WDR64: variants seen among roughly 807,000 people sequenced by gnomAD.
The protein encoded by WDR64 is WD repeat-containing protein 64.
WDR64 carries 112 observed loss-of-function variants against 139.3 expected under a neutral mutation model. The ratio of observed to expected loss-of-function variants is 0.80; its 90% CI spans 0.69 to 0.94. The LOEUF (loss-of-function observed/expected upper bound fraction) is 0.94, where lower values mean the gene tolerates loss of function less well. Ranked by LOEUF, WDR64 falls within the 40% of genes least tolerant of loss-of-function variation. The pLI is 0.00. For synonymous variants in WDR64, 444 were observed against 437.7 expected, an observed-to-expected ratio of 1.01 and a Z score of -0.18; for missense variants, 1,206 against 1,293.1, an observed-to-expected ratio of 0.93 and a Z score of 1.03.
chr1:241,675,250 TCCTTCCTCCCTCCCTTCCTC>T (rs1160675363), intron 4 of WDR64, among the ~76,000 whole-genome samples: 2 of 113,376 alleles, frequency 1.8e-5, no homozygotes, highest in Non-Finnish European at 3.6e-5. Context: ...CCTCCCTCCT[TCCTTCCTCCCTCCCTTCCTC>T]CCTTCCTCTC....
At chr1:241,691,816 C>A (rs1175616750) in intron 8 of WDR64, among the ~76,000 whole-genome samples, 3 of 152,086 alleles carry the variant, frequency 2.0e-5, no homozygotes, top group South Asian at 4.1e-4. Flanking sequence ...GAGTTCAAGA[C>A]CAGCCTGGCC....
chr1:241,763,912 G>A (rs758843646), intron 15 of WDR64, among the ~76,000 whole-genome samples: 1 of 152,160 alleles, frequency 6.6e-6, no homozygotes, highest in African/African-American at 2.4e-5. Flanking sequence ...CTGGGGAGAC[G>A]GGGAGGTTTT....
chr1:241,799,855 A>G (rs1259500232), intron 27 of WDR64, among the ~76,000 whole-genome samples: 1 of 152,118 alleles, frequency 6.6e-6, no homozygotes, highest in African/African-American at 2.4e-5. Flanking sequence ...AATTTTTTTC[A>G]TAGCTCTGAT....
At chr1:241,746,584 T>A (rs1011201566) in intron 13 of WDR64, among the ~76,000 whole-genome samples, 4 of 148,492 alleles carry the variant, frequency 2.7e-5, no homozygotes, top group South Asian at 2.1e-4. Flanking sequence ...AAAAAAAAAA[T>A]TTTCAACAGA....
intron 11 of WDR64, among the ~76,000 whole-genome samples, chr1:241,739,444 T>C (rs575722949): frequency 5.3e-5 from 8 of 152,324 alleles, no homozygotes; most frequent in Admixed American, 4.6e-4. Flanking sequence ...ATTCAGTGTT[T>C]TTATTTCCTG....
In WDR64 at chr1:241,670,966, C is replaced by A; in HGVS notation, c.277-108C>A. 8.0e-6 allele frequency: 6 copies of A among 746,308 alleles called. No homozygotes were observed. In the South Asian group the frequency reaches 8.6e-5, roughly 11 times the overall value. The allele number at this position is 746,308 out of a possible 1,614,324, so 46.2% of individuals were successfully genotyped here. A position where few individuals can be genotyped will look rare whatever the true frequency, so the allele number is the denominator to read the frequency against. ...CCCCTGACATTCACAAAGCAGGGTG[C>A]TGGCTGTTAATCCTAACTAGCTTTA... On this transcript the variant is annotated intron_variant, in intron 2 of 27. Transcript: ENST00000437684.
intron 12 of WDR64, 72 bp downstream of exon 12, chr1:241,741,736 CATT>C (rs1319694000): frequency 9.8e-6 from 14 of 1,425,202 alleles, no homozygotes; most frequent in Non-Finnish European, 1.3e-5. Context: ...TAAAATAAAT[CATT>C]GAGTGATTAA....
chr1:241,705,421 A>G (rs192632165), intron 8 of WDR64, among the ~76,000 whole-genome samples: 2 of 151,692 alleles, frequency 1.3e-5, no homozygotes, highest in Non-Finnish European at 1.5e-5. Flanking sequence ...GGGCGCCTGT[A>G]GTCCCAGCTA....
chr1:241,774,843 A>C (rs1006024460), intron 20 of WDR64, among the ~76,000 whole-genome samples: 5 of 152,238 alleles, frequency 3.3e-5, no homozygotes, highest in African/African-American at 9.6e-5. Context: ...AAACAATCCC[A>C]AGTGTAGAAC....
At chr1:241,674,973 TTTCC>T (rs1666430694) in intron 4 of WDR64, among the ~76,000 whole-genome samples, 3 of 33,848 alleles carry the variant, frequency 8.9e-5, no homozygotes, top group South Asian at 1.0e-3. Flanking sequence ...CTTCTTTTTC[TTTCC>T]TTCTTTCCTC....
Position 241,796,415 on chromosome 1 carries a change from C to T in WDR64, c.3192+45C>T. ...ACCGTTAACTCCAATTTCAGTGTAT[C>T]CTATTTCTGTTTGTTTTTTTAAAAA... is the stretch of plus-strand genomic sequence containing the variant. On this transcript the variant is annotated intron_variant, in intron 27 of 27. Coordinates refer to ENST00000437684, the MANE Select transcript of WDR64 (RefSeq NM_001367482.1). 4.7e-6 allele frequency: 6 copies of T among 1,265,414 alleles called. No individual in the cohort carries two copies. The South Asian group carries it at 8.0e-5, about 17-fold the overall frequency. The allele number at this position is 1,265,414 out of a possible 1,614,324, so 78.4% of individuals were successfully genotyped here. A position where few individuals can be genotyped will look rare whatever the true frequency, so the allele number is the denominator to read the frequency against.
chr1:241,743,478 A>G (rs1669630186), intron 12 of WDR64, among the ~76,000 whole-genome samples: 1 of 151,838 alleles, frequency 6.6e-6, no homozygotes, highest in Non-Finnish European at 1.5e-5. Context: ...AGACTATCTC[A>G]TCAGCTCCAT....
At chr1:241,789,540 T>C (rs925653837) in intron 24 of WDR64, among the ~76,000 whole-genome samples, 1 of 152,186 alleles carries the variant, frequency 6.6e-6, no homozygotes, top group African/African-American at 2.4e-5. Flanking sequence ...CGAAATACTA[T>C]GCACCCATAA....
chr1:241,672,328 CACACAG>C (rs1195738782), intron 3 of WDR64, among the ~76,000 whole-genome samples: 7 of 152,168 alleles, frequency 4.6e-5, no homozygotes, highest in African/African-American at 1.4e-4. Flanking sequence ...CACACACACA[CACACAG>C]ACACAAAAGG....
At chr1:241,748,769 A>C (rs10926561) in intron 13 of WDR64, among the ~76,000 whole-genome samples, 60,211 of 151,502 alleles carry the variant, frequency 0.4, 12,215 homozygotes, top group East Asian at 0.51. Flanking sequence ...GAAACCTCGT[A>C]TCTACTGGAA....
intron 8 of WDR64, among the ~76,000 whole-genome samples, chr1:241,695,112 TCAAACAAA>T (rs779796133): frequency 1.2e-4 from 18 of 151,920 alleles, no homozygotes. Context: ...CCAAAAACAA[TCAAACAAA>T]CAAACAAACA....
chr1:241,683,366 A>G (rs902203632), intron 6 of WDR64, 121 bp from the exon 7 acceptor site: 7 of 864,476 alleles, frequency 8.1e-6, no homozygotes, highest in African/African-American at 6.8e-5. Context: ...AAATTATCTT[A>G]TAAGATAGGT....
chr1:241,723,664 T>G (rs1252846856), intron 10 of WDR64, among the ~76,000 whole-genome samples: 1 of 152,022 alleles, frequency 6.6e-6, no homozygotes, highest in African/African-American at 2.4e-5. Flanking sequence ...AAAACAATAT[T>G]GAAAAGATGG....
chr1:241,741,471 A>C, intron 11 of WDR64, 45 bp from the exon 12 acceptor site: 1 of 1,533,682 alleles, frequency 6.5e-7, no homozygotes, highest in African/African-American at 1.4e-5. Flanking sequence ...TGTGATTAGA[A>C]ACTTCTAATA....
Sources: gnomAD v4.1 joint callset for allele counts (sites outside exome capture counted in the v4.1 genomes callset) on GRCh38, gnomAD v4.1.1 for gene constraint, MANE v1.5 for transcripts, NCBI Gene and HGNC (gene_info 2026-07-23, HGNC 2026-07-21) for gene names.